The following ATP2B1 variants were observed in gnomAD, a reference collection of about 807,000 sequenced individuals.
The protein encoded by ATP2B1 is ATPase plasma membrane Ca2+ transporting 1.
A neutral mutation model predicts 124.2 loss-of-function variants in ATP2B1; 14 were observed. The observed-to-expected ratio is 0.11, with a 90% CI of 0.07 to 0.18. ATP2B1 has a LOEUF of 0.18. ATP2B1 is among the 10% of genes least tolerant of loss of function. ATP2B1 has a pLI of 1.00. For missense variants in ATP2B1, 763 were observed against 1,466.1 expected (o/e 0.52, Z 7.83); for synonymous variants, 449 against 492.4 (o/e 0.91, Z 1.17).
At chr12:89,671,085 C>A (rs1887915699) in intron 1 of ATP2B1, among the ~76,000 whole-genome samples, 1 of 151,946 alleles carries the variant, frequency 6.6e-6, no homozygotes, top group Admixed American at 6.6e-5. Context: ...TATGACACTG[C>A]CATTTTTGTG....
intron 1 of ATP2B1, among the ~76,000 whole-genome samples, chr12:89,676,488 C>T (rs566841879): frequency 6.6e-6 from 1 of 152,190 alleles, no homozygotes; most frequent in East Asian, 1.9e-4. Flanking sequence ...GACAGGGTCT[C>T]ACTACGTTGC....
rs116585190 is a variant in ATP2B1, at chr12:89,624,311, C to A, written c.1216G>T (p.Ala406Ser). ...TFWVQKRPWL[A>S]ECTPIYIQYF... Reference sequence around the variant, plus strand: ...TGTATATAAATTGGTGTGCACTCAGCAAGCCATGGTCTTTTCTGAACCCAG... The same window carrying A: ...TGTATATAAATTGGTGTGCACTCAGAAAGCCATGGTCTTTTCTGAACCCAG... Residue 406 changes from alanine (A) to serine (S), a missense_variant, in exon 9 of 21, where the codon GCT becomes TCT. Ala to Ser is a moderately conservative substitution (Grantham distance 99). Around this residue, in one of 7 missense-constraint regions of ATP2B1, gnomAD observed 392 missense variants for 776.6 expected, o/e 0.50. Coordinates refer to ENST00000428670, the MANE Select transcript of ATP2B1 (RefSeq NM_001366521.1). 58 of 1,614,128 alleles carry A rather than the reference C, an allele frequency of 3.6e-5. No homozygotes were observed. The East Asian group carries it at 1.2e-3, about 33-fold the overall frequency.
chr12:89,664,825 T>C (rs1887107279), intron 1 of ATP2B1, among the ~76,000 whole-genome samples: 1 of 152,014 alleles, frequency 6.6e-6, no homozygotes, highest in Non-Finnish European at 1.5e-5. Flanking sequence ...ATAAGCAAAT[T>C]ACTTATGGTT....
intron 2 of ATP2B1, among the ~76,000 whole-genome samples, chr12:89,655,398 G>C (rs1885831810): frequency 6.6e-6 from 1 of 152,070 alleles, no homozygotes; most frequent in Admixed American, 6.5e-5. Flanking sequence ...ATAGCTCAAA[G>C]GGAAGACAAT....
At chr12:89,689,198 C>T (rs888674096) in intron 1 of ATP2B1, among the ~76,000 whole-genome samples, 2 of 151,994 alleles carry the variant, frequency 1.3e-5, no homozygotes, top group Non-Finnish European at 2.9e-5. Flanking sequence ...AAATAAAATA[C>T]AAGCTACCCA....
At chr12:89,631,145 T>C (rs765162075) in intron 5 of ATP2B1, among the ~76,000 whole-genome samples, 77 of 152,176 alleles carry the variant, frequency 5.1e-4, no homozygotes, top group Non-Finnish European at 9.7e-4. Flanking sequence ...TAATCAGTCA[T>C]ATCCAAGTTC....
rs76220296 is a variant in ATP2B1 at position 89,693,399 on chromosome 12, T to C, written c.-222+15197A>G. On this transcript the variant is annotated intron_variant, in intron 1 of 20. Coordinates refer to ENST00000428670, the MANE Select transcript of ATP2B1 (RefSeq NM_001366521.1). ...TAACTGGACACATTCATTTATTAAG[T>C]ACTAACTTAATGAATAATCTAAATG... 7.1e-3 allele frequency among the ~76,000 whole-genome samples: 1,074 copies of C among 152,298 alleles called. 12 individuals are homozygous for C. The highest frequency in any genetic ancestry group is 0.023 in the African/African-American group (964 of 41,558).
At chr12:89,629,358 T>C (rs1485778782) in intron 6 of ATP2B1, among the ~76,000 whole-genome samples, 1 of 152,186 alleles carries the variant, frequency 6.6e-6, no homozygotes. Context: ...ATTAATGAGA[T>C]AGTGCATGTA....
At chr12:89,601,618 C>T (rs1875863307) in intron 18 of ATP2B1, among the ~76,000 whole-genome samples, 185 bp from the exon 19 acceptor site, 1 of 152,144 alleles carries the variant, frequency 6.6e-6, no homozygotes, top group Admixed American at 6.6e-5. Context: ...CCCCTCCAGT[C>T]CACTTTGCCT....
chr12:89,605,907 GAAAC>G (rs1315834453), intron 15 of ATP2B1, among the ~76,000 whole-genome samples: 1 of 152,144 alleles, frequency 6.6e-6, no homozygotes, highest in Non-Finnish European at 1.5e-5. Context: ...TCTGATGTAT[GAAAC>G]AGAGAATTTG....
At chr12:89,602,440 A>T (rs983992716) in intron 18 of ATP2B1, among the ~76,000 whole-genome samples, 6 of 152,138 alleles carry the variant, frequency 3.9e-5, no homozygotes, top group South Asian at 2.1e-4. Flanking sequence ...CTTTCTTTTT[A>T]GCTCTACTTT....
chr12:89,689,160 T>C (rs756959427), intron 1 of ATP2B1, among the ~76,000 whole-genome samples: 9 of 152,162 alleles, frequency 5.9e-5, no homozygotes, highest in Non-Finnish European at 8.8e-5. Context: ...TATTTCAGCT[T>C]CTCTTGTCAG....
chr12:89,632,531 G>A (rs1882033654), intron 5 of ATP2B1, among the ~76,000 whole-genome samples: 1 of 152,044 alleles, frequency 6.6e-6, no homozygotes, highest in Non-Finnish European at 1.5e-5. Flanking sequence ...AATTGTTTAG[G>A]TTCTATTTTG....
At chr12:89,660,187 G>C (rs1886532803) in intron 1 of ATP2B1, among the ~76,000 whole-genome samples, 1 of 152,048 alleles carries the variant, frequency 6.6e-6, no homozygotes, top group Non-Finnish European at 1.5e-5. Context: ...GCACTGTTGG[G>C]TTCCTAATTC....
intron 1 of ATP2B1, among the ~76,000 whole-genome samples, chr12:89,682,276 C>T (rs1428425653): frequency 3.3e-5 from 5 of 152,098 alleles, no homozygotes; most frequent in Non-Finnish European, 2.9e-5. Flanking sequence ...ATTAGGACTT[C>T]TCTAAGTCAA....
At chr12:89,594,802 T>TAAA (rs1227557390) in intron 20 of ATP2B1, 1 of 152,004 alleles carries the variant, frequency 6.6e-6, no homozygotes, top group African/African-American at 2.4e-5. Flanking sequence ...ATAACATTGT[T>TAAA]TACTGCCTAA....
chr12:89,651,631 C>A (rs1263909368), intron 2 of ATP2B1, among the ~76,000 whole-genome samples: 1 of 152,076 alleles, frequency 6.6e-6, no homozygotes, highest in Non-Finnish European at 1.5e-5. Context: ...ATTTTTTTCA[C>A]CATGTAATTC....
At position 89,599,234 on chromosome 12, in the gene ATP2B1, C is replaced by T; in HGVS notation, c.3234G>A (p.Lys1078=). ...FLKEAGHGTQ[K]EEIPEEELAE... is the part of the protein sequence containing the mutation. Reference sequence around the variant, plus strand: ...CTAATTCCTCCTCAGGTATTTCTTCCTTTTGTGTTCCATGACCAGCTTCTT... The same window carrying T: ...CTAATTCCTCCTCAGGTATTTCTTCTTTTTGTGTTCCATGACCAGCTTCTT... The change falls in exon 20 of 21, where the codon AAG becomes AAA. Residue 1078 remains lysine (K), a synonymous_variant. Coordinates refer to ENST00000428670, the MANE Select transcript of ATP2B1 (RefSeq NM_001366521.1). 6.2e-7 allele frequency: 1 copy of T among 1,614,142 alleles called. No individual in the cohort carries two copies. The highest frequency in any genetic ancestry group is 8.5e-7 in the Non-Finnish European group (1 of 1,180,006).
chr12:89,614,258 T>G (rs923988274), intron 12 of ATP2B1, among the ~76,000 whole-genome samples: 2 of 152,108 alleles, frequency 1.3e-5, no homozygotes, highest in Non-Finnish European at 2.9e-5. Context: ...GCCAGGAGTT[T>G]GAGGCTGCAG....
Sources: allele counts gnomAD v4.1 joint callset (sites outside exome capture counted in the v4.1 genomes callset), GRCh38; gene constraint gnomAD v4.1.1; regional missense constraint gnomAD v4.1.1; transcripts MANE v1.5; gene names NCBI Gene and HGNC (gene_info 2026-07-23, HGNC 2026-07-21).